Variants in SUGCT observed in about 807,000 individuals in gnomAD.
SUGCT encodes succinyl-CoA:glutarate CoA-transferase.
In SUGCT, 41 loss-of-function variants were observed where a neutral mutation model predicts 55.0. The observed-to-expected ratio is 0.74, with a 90% CI of 0.58 to 0.97. The LOEUF is 0.97. SUGCT is among the 50% of genes least tolerant of loss of function. The pLI, the probability that SUGCT is intolerant of heterozygous loss-of-function variation, is 0.00. For synonymous variants in SUGCT, 187 were observed against 200.4 expected (o/e 0.93, Z 0.56); for missense variants, 568 against 547.8 (o/e 1.04, Z -0.37).
the SUGCT span, among the ~76,000 whole-genome samples, chr7:40,972,114 A>G: frequency 7.8e-4 from 118 of 152,242 alleles, 1 homozygote; most frequent in African/African-American, 2.8e-3. Flanking sequence ...TGGTTCATCT[A>G]TATATGTTTC....
At chr7:40,820,080 A>G (rs2128765959) in intron 13 of SUGCT, among the ~76,000 whole-genome samples, 1 of 152,052 alleles carries the variant, frequency 6.6e-6, no homozygotes, top group African/African-American at 2.4e-5. Flanking sequence ...GATGTGTGGT[A>G]TTATTTCTGA....
intron 12 of SUGCT, among the ~76,000 whole-genome samples, chr7:40,533,325 G>A (rs1794190998): frequency 1.3e-5 from 2 of 151,738 alleles, no homozygotes; most frequent in South Asian, 4.1e-4. Context: ...TTAAATTATT[G>A]CTCTCAAAAT....
At chr7:40,270,407 T>C (rs1487306483) in intron 7 of SUGCT, among the ~76,000 whole-genome samples, 1 of 152,150 alleles carries the variant, frequency 6.6e-6, no homozygotes, top group Non-Finnish European at 1.5e-5. Flanking sequence ...TAAGTTTAGA[T>C]TTTTGGTCCA....
chr7:40,715,073 A>G (rs1448977820), intron 12 of SUGCT, among the ~76,000 whole-genome samples: 3 of 152,190 alleles, frequency 2.0e-5, no homozygotes, highest in Non-Finnish European at 4.4e-5. Flanking sequence ...TATGGAAAAA[A>G]AAAATTGTAA....
intron 12 of SUGCT, among the ~76,000 whole-genome samples, chr7:40,718,990 T>G (rs954360032): frequency 6.6e-6 from 1 of 152,260 alleles, no homozygotes; most frequent in African/African-American, 2.4e-5. Flanking sequence ...AAATTTCTTA[T>G]GTAACATTCC....
intron 12 of SUGCT, among the ~76,000 whole-genome samples, chr7:40,570,585 G>T (rs929733956): frequency 1.3e-5 from 2 of 152,180 alleles, no homozygotes; most frequent in Admixed American, 1.3e-4. Flanking sequence ...CCAGGCTGCT[G>T]CACATTTTCT....
intron 12 of SUGCT, among the ~76,000 whole-genome samples, chr7:40,508,282 C>T (rs1357513071): frequency 1.3e-5 from 2 of 152,150 alleles, no homozygotes; most frequent in East Asian, 1.9e-4. Context: ...ACAAGAACCC[C>T]GGTGCCTTGG....
chr7:40,669,189 AG>A (rs1406568869), intron 12 of SUGCT, among the ~76,000 whole-genome samples: 5 of 152,066 alleles, frequency 3.3e-5, no homozygotes. Flanking sequence ...CCTCTCCAGA[AG>A]GTCTAACATA....
intron 9 of SUGCT, among the ~76,000 whole-genome samples, chr7:40,424,194 A>G (rs1250216415): frequency 6.6e-6 from 1 of 152,156 alleles, no homozygotes. Flanking sequence ...TGTTATTACT[A>G]GCCTCACTGT....
intron 8 of SUGCT, among the ~76,000 whole-genome samples, chr7:40,287,280 A>T (rs1793414019): frequency 2.0e-5 from 3 of 152,062 alleles, no homozygotes; most frequent in Non-Finnish European, 4.4e-5. Flanking sequence ...CCTGTGTGAG[A>T]TTACATCATC....
At chr7:40,683,505 G>T (rs1784342193) in intron 12 of SUGCT, among the ~76,000 whole-genome samples, 1 of 152,178 alleles carries the variant, frequency 6.6e-6, no homozygotes, top group Non-Finnish European at 1.5e-5. Context: ...AATGGCTCCA[G>T]TGGAAGAACG....
At chr7:40,774,189 G>A (rs558229281) in intron 13 of SUGCT, among the ~76,000 whole-genome samples, 3 of 152,118 alleles carry the variant, frequency 2.0e-5, no homozygotes, top group South Asian at 2.1e-4. Context: ...TTCCCTTTTA[G>A]AAGAGATTGA....
intron 1 of SUGCT, among the ~76,000 whole-genome samples, chr7:40,167,216 A>G (rs1390971333): frequency 6.6e-6 from 1 of 152,212 alleles, no homozygotes; most frequent in Non-Finnish European, 1.5e-5. Flanking sequence ...CAACAATGTG[A>G]TGAAACTCAG....
chr7:40,486,206 G>A (rs1469033518), intron 11 of SUGCT, among the ~76,000 whole-genome samples: 1 of 152,054 alleles, frequency 6.6e-6, no homozygotes, highest in African/African-American at 2.4e-5. Flanking sequence ...ATTATGGTAG[G>A]TTGAGTATAT....
intron 1 of SUGCT, among the ~76,000 whole-genome samples, chr7:40,161,609 G>A (rs747704790): frequency 3.9e-5 from 6 of 152,190 alleles, no homozygotes; most frequent in African/African-American, 7.2e-5. Context: ...TTCTCCGTAG[G>A]AGAATCACGT....
chr7:40,547,561 A>T (rs569850095), intron 12 of SUGCT, among the ~76,000 whole-genome samples: 2 of 152,306 alleles, frequency 1.3e-5, no homozygotes, highest in Non-Finnish European at 2.9e-5. Context: ...ATTGAGTTCC[A>T]GATTGTTCTG....
At position 40,671,918 on chromosome 7, in the gene SUGCT, G is replaced by A. The variant is rs770714088; in HGVS notation, c.1090-77516G>A. Among the ~76,000 whole-genome samples the A allele has an allele frequency of 4.6e-5, 7 of 152,226 alleles. No homozygotes were observed. In the South Asian group the frequency reaches 6.2e-4, roughly 14 times the overall value. On this transcript the variant is annotated intron_variant, in intron 12 of 13. Transcript: ENST00000335693. The stretch of plus-strand genomic sequence containing the variant: ...ATGAAGATTAGGAAAGTAGGAATTC[G>A]TCTACTTGGTTTCAAGACTTATTTT...
chr7:40,363,308 T>C (rs1303253384), intron 9 of SUGCT, among the ~76,000 whole-genome samples: 1 of 152,230 alleles, frequency 6.6e-6, no homozygotes, highest in African/African-American at 2.4e-5. Context: ...GTGTCTCTAT[T>C]TCCTTCAGTT....
intron 10 of SUGCT, among the ~76,000 whole-genome samples, chr7:40,457,513 G>A (rs1334528106): frequency 6.6e-6 from 1 of 151,980 alleles, no homozygotes; most frequent in African/African-American, 2.4e-5. Flanking sequence ...TGCTTAATAT[G>A]TCAAGCATTT....
Sources: gnomAD v4.1 joint callset for allele counts (sites outside exome capture counted in the v4.1 genomes callset) on GRCh38, gnomAD v4.1.1 for gene constraint, MANE v1.5 for transcripts, NCBI Gene and HGNC (gene_info 2026-07-23, HGNC 2026-07-21) for gene names.